Variants in ADGRV1 observed in about 807,000 individuals in gnomAD.
The protein encoded by ADGRV1 is G-protein coupled receptor 98.
Under a neutral mutation model 596.2 loss-of-function variants are expected in ADGRV1, and 359 were observed. The observed-to-expected ratio is 0.60, with a 90% CI of 0.55 to 0.66. The LOEUF is 0.66. ADGRV1 is among the 30% of genes least tolerant of loss of function. The pLI, the probability that ADGRV1 is intolerant of heterozygous loss-of-function variation, is 0.00. For synonymous variants in ADGRV1, 2,681 were observed against 2,679.2 expected (o/e 1.00, Z -0.02); for missense variants, 7,274 against 7,575.6 (o/e 0.96, Z 1.48).
intron 83 of ADGRV1, among the ~76,000 whole-genome samples, chr5:90,962,037 A>G (rs1483491772): frequency 2.0e-5 from 3 of 152,226 alleles, no homozygotes; most frequent in Non-Finnish European, 4.4e-5. Context: ...ATGGTGCTCA[A>G]GAAAGAATGC....
chr5:90,727,607 A>T (rs1343599724), intron 48 of ADGRV1, among the ~76,000 whole-genome samples: 1 of 152,230 alleles, frequency 6.6e-6, no homozygotes, highest in Non-Finnish European at 1.5e-5. Context: ...AAATTATTTA[A>T]TATGGGCTTA....
chr5:90,647,867 A>G (rs1259219217), intron 17 of ADGRV1, 103 bp downstream of exon 17: 7 of 971,510 alleles, frequency 7.2e-6, no homozygotes, highest in Non-Finnish European at 7.6e-6. Context: ...GCCTAACTAC[A>G]TTTGTACTAT....
In ADGRV1 at chr5:90,684,047, A is replaced by G; in HGVS notation, c.6126A>G (p.Pro2042=). The change falls in exon 28 of 90, where the codon CCA becomes CCG. Residue 2042 remains proline (P), a synonymous_variant. Coordinates refer to ENST00000405460, the MANE Select transcript of ADGRV1 (RefSeq NM_032119.4). ...ARATQGRDYI[P]ASGFALFGAN... ...CAACTCAAGGAAGAGACTATATACC[A>G]GCTTCTGGATTTGCTCTTTTTGGAG... 1 of 1,613,994 alleles carries G rather than the reference A, an allele frequency of 6.2e-7. No homozygotes were observed. Among genetic ancestry groups the G allele is most frequent in the Non-Finnish European group, 8.5e-7 (1 of 1,179,888 alleles).
chr5:90,688,806 A>G (rs1296570418), intron 29 of ADGRV1, among the ~76,000 whole-genome samples: 1 of 152,198 alleles, frequency 6.6e-6, no homozygotes. Flanking sequence ...TCACTTGTAA[A>G]TGACTACTGA....
At chr5:90,575,349 A>T (rs1227000537) in intron 1 of ADGRV1, among the ~76,000 whole-genome samples, 1 of 151,886 alleles carries the variant, frequency 6.6e-6, no homozygotes, top group East Asian at 1.9e-4. Flanking sequence ...TGCCTCCCGG[A>T]TTCAAGCAAT....
chr5:91,126,564 C>A (rs754788494), intron 87 of ADGRV1, among the ~76,000 whole-genome samples: 9 of 152,122 alleles, frequency 5.9e-5, no homozygotes, highest in Non-Finnish European at 1.0e-4. Flanking sequence ...CCTTGAGCAA[C>A]CAGGAAGGTA....
chr5:90,665,561 C>G (rs991972650), intron 21 of ADGRV1, among the ~76,000 whole-genome samples: 1 of 151,248 alleles, frequency 6.6e-6, no homozygotes, highest in Non-Finnish European at 1.5e-5. Flanking sequence ...TTTCAAAAAA[C>G]CAGCTCCTGG....
rs200298347 is a variant in ADGRV1, at chr5:90,992,909, TAG to T, written c.18152+7390_18152+7391del. Among the ~76,000 whole-genome samples, 657 of 152,304 alleles carry T rather than the reference TAG, an allele frequency of 4.3e-3. 5 individuals are homozygous for T. Among genetic ancestry groups the T allele is most frequent in the African/African-American group, 0.015 (605 of 41,570 alleles). ...ACTTATAGAAAAATTGCAAAAATTA[TAG>T]AGTTTACATATACCTTTTATCCAGT... On this transcript the variant is annotated intron_variant, in intron 85 of 89. Coordinates refer to ENST00000405460, the MANE Select transcript of ADGRV1 (RefSeq NM_032119.4).
intron 83 of ADGRV1, among the ~76,000 whole-genome samples, chr5:90,927,862 A>T (rs1483992237): frequency 6.6e-6 from 1 of 152,068 alleles, no homozygotes; most frequent in Non-Finnish European, 1.5e-5. Flanking sequence ...GCTTTTCTGT[A>T]AAGTATTTTA....
chr5:90,833,868 A>G (rs571272229), intron 77 of ADGRV1, among the ~76,000 whole-genome samples: 9 of 152,198 alleles, frequency 5.9e-5, no homozygotes, highest in East Asian at 3.9e-4. Flanking sequence ...TTCCTTTCCA[A>G]TTTGGATGGA....
At chr5:90,783,401 T>A in intron 66 of ADGRV1, 76 bp downstream of exon 66, 1 of 999,414 alleles carries the variant, frequency 1.0e-6, no homozygotes, top group Non-Finnish European at 1.5e-6. Flanking sequence ...TGTTTTGCAC[T>A]GACAATAGAA....
At chr5:90,603,720 A>C (rs904264566) in intron 1 of ADGRV1, among the ~76,000 whole-genome samples, 8 of 151,838 alleles carry the variant, frequency 5.3e-5, no homozygotes, top group African/African-American at 1.9e-4. Context: ...CTTGGGGCCC[A>C]ACACCCCAGG....
chr5:90,569,381 ATATATATTTTTTTTTTTTTTTTTT>A (rs1442388894), intron 1 of ADGRV1, among the ~76,000 whole-genome samples: 1 of 19,432 alleles, frequency 5.1e-5, no homozygotes, highest in African/African-American at 2.6e-4. Context: ...ATATATATAT[ATATATATTTTTTTTTTTTTTTTTT>A]TTTTTTTTTT....
At chr5:90,779,559 A>G (rs543463626) in intron 64 of ADGRV1, 2 of 152,442 alleles carry the variant, frequency 1.3e-5, no homozygotes, top group Non-Finnish European at 2.9e-5. Context: ...CTTGCCCCAT[A>G]GTTTTAAAGT....
At chr5:90,663,580 G>A (rs1394377975) in intron 21 of ADGRV1, among the ~76,000 whole-genome samples, 1 of 152,102 alleles carries the variant, frequency 6.6e-6, no homozygotes, top group Admixed American at 6.6e-5. Context: ...CACTCTGATG[G>A]TAGTTTCTTT....
At chr5:91,064,833 G>C (rs1416122643) in intron 85 of ADGRV1, among the ~76,000 whole-genome samples, 1 of 152,074 alleles carries the variant, frequency 6.6e-6, no homozygotes, top group Non-Finnish European at 1.5e-5. Context: ...TGCTTAAAGT[G>C]TTTCTCTAAG....
chr5:91,116,873 A>G (rs1792894019), intron 87 of ADGRV1, among the ~76,000 whole-genome samples: 1 of 152,202 alleles, frequency 6.6e-6, no homozygotes, highest in South Asian at 2.1e-4. Context: ...GGCATGTGAT[A>G]CTTAGGAAGA....
chr5:90,878,368 A>G (rs1196212138), intron 83 of ADGRV1, among the ~76,000 whole-genome samples: 1 of 152,208 alleles, frequency 6.6e-6, no homozygotes, highest in African/African-American at 2.4e-5. Context: ...CTTCCAGCTG[A>G]TGTCTGCGTC....
At position 90,774,168 on chromosome 5, in the gene ADGRV1, T is replaced by A. The variant is rs770273364; in HGVS notation, c.12286-18T>A. 1 of 1,445,934 alleles carries A rather than the reference T, an allele frequency of 6.9e-7. No individual in the cohort carries two copies. The highest frequency in any genetic ancestry group is 1.2e-5 in the South Asian group (1 of 80,280). The allele number at this position is 1,445,934 out of a possible 1,614,324, so 89.6% of individuals were successfully genotyped here. On this transcript the variant is annotated intron_variant, in intron 59 of 89. Coordinates refer to ENST00000405460, the MANE Select transcript of ADGRV1 (RefSeq NM_032119.4). The stretch of plus-strand genomic sequence containing the variant: ...TTGGTCAATCTGGAAAATGCACTGT[T>A]TCTGTCATTGGATGTAGACTGAGTC...
Sources: allele counts gnomAD v4.1 joint callset (sites outside exome capture counted in the v4.1 genomes callset), GRCh38; gene constraint gnomAD v4.1.1; transcripts MANE v1.5; gene names NCBI Gene and HGNC (gene_info 2026-07-23, HGNC 2026-07-21).